Variants in STX18 observed in about 807,000 individuals in gnomAD.
STX18 encodes the protein syntaxin 18.
STX18 carries 40 observed loss-of-function variants against 50.1 expected under a neutral mutation model. The ratio of observed to expected loss-of-function variants is 0.80; its 90% CI spans 0.62 to 1.04. The LOEUF (loss-of-function observed/expected upper bound fraction) is 1.04, where lower values mean the gene tolerates loss of function less well. Ranked by LOEUF, STX18 falls within the 50% of genes least tolerant of loss-of-function variation. The pLI, the probability that STX18 is intolerant of heterozygous loss-of-function variation, is 0.00. For synonymous variants in STX18, 158 were observed against 151.8 expected, an observed-to-expected ratio of 1.04 and a Z score of -0.30; for missense variants, 410 against 415.8, an observed-to-expected ratio of 0.99 and a Z score of 0.12.
At chr4:4,485,910 T>C (rs1276390755) in intron 1 of STX18, among the ~76,000 whole-genome samples, 2 of 152,138 alleles carry the variant, frequency 1.3e-5, no homozygotes, top group Non-Finnish European at 2.9e-5. Context: ...CACCACACAC[T>C]TTTTCTGGGA....
At chr4:4,507,653 C>T (rs1402141672) in intron 1 of STX18, 5 of 780,474 alleles carry the variant, frequency 6.4e-6, no homozygotes, top group African/African-American at 5.1e-5. Context: ...GGATGGCAGC[C>T]GGCTCATAAA....
upstream of STX18, chr4:4,542,055 G>A: frequency 1.5e-6 from 2 of 1,327,734 alleles, no homozygotes; most frequent in East Asian, 3.1e-5. Context: ...GACTGGTCCT[G>A]CCCCACACGC....
chr4:4,484,247 C>A (rs1458427973), intron 1 of STX18, among the ~76,000 whole-genome samples: 1 of 152,168 alleles, frequency 6.6e-6, no homozygotes, highest in African/African-American at 2.4e-5. Flanking sequence ...ATGGGCCTCC[C>A]AAATAAAATA....
At chr4:4,500,418 C>T (rs762683893) in intron 1 of STX18, among the ~76,000 whole-genome samples, 7 of 152,110 alleles carry the variant, frequency 4.6e-5, no homozygotes, top group Non-Finnish European at 2.9e-5. Flanking sequence ...AACAGTATAA[C>T]AACTATTTAC....
intron 1 of STX18, among the ~76,000 whole-genome samples, chr4:4,475,168 T>C (rs1359936705): frequency 4.6e-5 from 7 of 152,170 alleles, no homozygotes; most frequent in Admixed American, 3.3e-4. Context: ...CACATAATTA[T>C]TATACAAGAG....
At chr4:4,435,692 T>C (rs1373727906) in intron 6 of STX18, among the ~76,000 whole-genome samples, 1 of 152,224 alleles carries the variant, frequency 6.6e-6, no homozygotes, top group East Asian at 1.9e-4. Context: ...GTCTGTGCTA[T>C]GTGCACATGC....
intron 1 of STX18, among the ~76,000 whole-genome samples, chr4:4,526,974 C>T (rs746191974): frequency 2.6e-5 from 4 of 152,122 alleles, no homozygotes; most frequent in Non-Finnish European, 5.9e-5. Flanking sequence ...AATTCATCAC[C>T]TCTCCTTGAT....
In STX18 at chr4:4,420,979, C is replaced by A. The variant is rs374695127; in HGVS notation, c.832-35G>T. 5.8e-5 allele frequency: 93 copies of A among 1,605,716 alleles called. No homozygotes were observed. Among genetic ancestry groups the A allele is most frequent in the Non-Finnish European group, 7.5e-5 (88 of 1,173,226 alleles). ...AAAAGATAAATACAAGTTGAGTATCCTTTATCCAAAAACCTGAAACCCAAA... is the reference window on the plus strand; with the variant it reads ...AAAAGATAAATACAAGTTGAGTATCATTTATCCAAAAACCTGAAACCCAAA... On this transcript the variant is annotated intron_variant, in intron 9 of 10. Coordinates refer to ENST00000306200, the MANE Select transcript of STX18 (RefSeq NM_016930.4). This position sits in a 1 kb window ranked among gnomAD's most constrained non-coding sequence, Gnocchi z 4.3.
chr4:4,476,488 C>T (rs561447213), intron 1 of STX18, among the ~76,000 whole-genome samples: 1 of 152,076 alleles, frequency 6.6e-6, no homozygotes, highest in Non-Finnish European at 1.5e-5. Flanking sequence ...GCATGGGCTC[C>T]CTCAGTACTG....
chr4:4,466,678 T>C (rs1054607928), intron 2 of STX18, among the ~76,000 whole-genome samples: 1 of 152,102 alleles, frequency 6.6e-6, no homozygotes, highest in Non-Finnish European at 1.5e-5. Flanking sequence ...ACAGTGGCAA[T>C]GGGGACTGGG....
At chr4:4,436,950 CTTTTTT>C (rs34174730) in intron 6 of STX18, among the ~76,000 whole-genome samples, 8 of 116,760 alleles carry the variant, frequency 6.9e-5, no homozygotes, top group Non-Finnish European at 1.4e-4. Flanking sequence ...TCCAGACTCA[CTTTTTT>C]TTTTTTTTTT....
chr4:4,438,305 G>T, intron 6 of STX18, 89 bp downstream of exon 6: 1 of 991,132 alleles, frequency 1.0e-6, no homozygotes, highest in Non-Finnish European at 1.5e-6. Context: ...AAACATGTCT[G>T]AGACTGTGCT....
intron 1 of STX18, among the ~76,000 whole-genome samples, chr4:4,527,051 A>G (rs1369473036): frequency 6.6e-6 from 1 of 152,072 alleles, no homozygotes; most frequent in African/African-American, 2.4e-5. Context: ...TTGCTTGCTT[A>G]CAAATCACTG....
intron 5 of STX18, among the ~76,000 whole-genome samples, chr4:4,447,872 G>A (rs572619168): frequency 2.6e-4 from 39 of 152,168 alleles, no homozygotes; most frequent in Admixed American, 2.4e-3. Context: ...GATGCAGACC[G>A]ATGGAGGAAC....
At chr4:4,437,654 T>C (rs1271390577) in intron 6 of STX18, 3 of 984,620 alleles carry the variant, frequency 3.0e-6, no homozygotes, top group Non-Finnish European at 3.6e-6. Context: ...GCCATGAGAC[T>C]ACGGAGAAGG....
chr4:4,511,472 A>G (rs1730000424), intron 1 of STX18, among the ~76,000 whole-genome samples: 1 of 152,238 alleles, frequency 6.6e-6, no homozygotes, highest in African/African-American at 2.4e-5. Context: ...GGAGGACAGC[A>G]TAATTTTGAT....
chr4:4,537,042 G>A (rs919688542), intron 1 of STX18, among the ~76,000 whole-genome samples: 3 of 152,164 alleles, frequency 2.0e-5, no homozygotes, highest in Non-Finnish European at 4.4e-5. Flanking sequence ...TTTCCTGTGC[G>A]GTGCTCTTCA....
At chr4:4,480,567 C>T (rs1025436982) in intron 1 of STX18, among the ~76,000 whole-genome samples, 5 of 152,212 alleles carry the variant, frequency 3.3e-5, no homozygotes, top group South Asian at 2.1e-4. Context: ...TTCATGTCTC[C>T]CTGACATAAG....
intron 1 of STX18, among the ~76,000 whole-genome samples, chr4:4,472,098 G>A (rs796668191): frequency 6.6e-6 from 1 of 152,212 alleles, no homozygotes; most frequent in East Asian, 1.9e-4. Flanking sequence ...TTCTAAAGCT[G>A]AAGCTGTTGC....
Sources: gnomAD v4.1 joint callset for allele counts (sites outside exome capture counted in the v4.1 genomes callset) on GRCh38, gnomAD v4.1.1 for gene constraint, Gnocchi (gnomAD v3.1) non-coding constraint, MANE v1.5 for transcripts, NCBI Gene and HGNC (gene_info 2026-07-23, HGNC 2026-07-21) for gene names.